The following RAP1GAP2 variants were observed in gnomAD, a reference collection of about 807,000 sequenced individuals.
The protein encoded by RAP1GAP2 is rap1 GTPase-activating protein 2.
In RAP1GAP2, 27 loss-of-function variants were observed where a neutral mutation model predicts 95.0. The observed-to-expected ratio is 0.28, with a 90% confidence interval of 0.21 to 0.39. The LOEUF (loss-of-function observed/expected upper bound fraction) is 0.39, where lower values mean the gene tolerates loss of function less well. RAP1GAP2 is among the 10% of genes least tolerant of loss of function. The pLI is 1.00. For synonymous variants in RAP1GAP2, 373 were observed against 380.9 expected (o/e 0.98, Z 0.24); for missense variants, 771 against 970.0 (o/e 0.79, Z 2.72).
chr17:2,845,801 T>C (rs1467708549), intron 2 of RAP1GAP2, among the ~76,000 whole-genome samples: 1 of 151,952 alleles, frequency 6.6e-6, no homozygotes, highest in Non-Finnish European at 1.5e-5. Context: ...GCGAAGGTTT[T>C]GGTGAGCCGA....
intron 22 of RAP1GAP2, among the ~76,000 whole-genome samples, chr17:3,028,360 G>C (rs946384365): frequency 6.6e-6 from 1 of 152,074 alleles, no homozygotes; most frequent in Admixed American, 6.5e-5. Flanking sequence ...TTTTGGAGGG[G>C]TGCTACTGGC....
intron 2 of RAP1GAP2, among the ~76,000 whole-genome samples, chr17:2,834,921 T>A (rs2071063680): frequency 6.6e-6 from 1 of 151,990 alleles, no homozygotes; most frequent in Non-Finnish European, 1.5e-5. Context: ...ATTAATTAAT[T>A]ATTATTATTA....
chr17:2,788,724 G>C (rs2068850226), intron 1 of RAP1GAP2, among the ~76,000 whole-genome samples: 1 of 152,220 alleles, frequency 6.6e-6, no homozygotes, highest in Admixed American at 6.5e-5. Context: ...AGAACGAGGA[G>C]CGTTGATAGC....
intron 2 of RAP1GAP2, among the ~76,000 whole-genome samples, chr17:2,800,843 CTTTCTTT>C (rs2069258908): frequency 2.6e-5 from 1 of 39,180 alleles, no homozygotes; most frequent in East Asian, 6.4e-4. Context: ...CTTTTTCTTT[CTTTCTTT>C]CTTTCTTTTT....
At chr17:2,873,134 C>G (rs886862491) in intron 2 of RAP1GAP2, among the ~76,000 whole-genome samples, 4 of 148,454 alleles carry the variant, frequency 2.7e-5, no homozygotes, top group Non-Finnish European at 6.0e-5. Context: ...AGTACTTCAT[C>G]TTTGTGTTGT....
intron 2 of RAP1GAP2, among the ~76,000 whole-genome samples, chr17:2,874,657 GA>G (rs2073009544): frequency 6.6e-6 from 1 of 152,198 alleles, no homozygotes; most frequent in African/African-American, 2.4e-5. Context: ...GATTCTGGAG[GA>G]AATGAGACGG....
chr17:2,784,222 C>T, intron 1 of RAP1GAP2, among the ~76,000 whole-genome samples: 1 of 152,088 alleles, frequency 6.6e-6, no homozygotes, highest in East Asian at 1.9e-4. Context: ...ATCTGTCCTC[C>T]TCGGCCTCCC....
At chr17:2,920,009 TC>T (rs1410614785) in intron 3 of RAP1GAP2, among the ~76,000 whole-genome samples, 12,529 of 135,330 alleles carry the variant, frequency 0.093, 814 homozygotes, top group East Asian at 0.29. Context: ...CCTCCTTTTT[TC>T]TTTTTTTTTT....
rs1009606735 is a variant in RAP1GAP2 at position 2,855,788 on chromosome 17, A to T, written c.81-49496A>T. Among the ~76,000 whole-genome samples, 2 of 151,974 alleles carry T rather than the reference A, an allele frequency of 1.3e-5. No homozygotes were observed. Among genetic ancestry groups the T allele is most frequent in the African/African-American group, 4.8e-5 (2 of 41,382 alleles). On this transcript the variant is annotated intron_variant, in intron 2 of 24. Transcript: ENST00000254695. The surrounding 1 kb of genome is among the most constrained non-coding windows in gnomAD (Gnocchi z 4.3). ...CCACCACGCCCAGCTAATTTTTTGT[A>T]TTTTAGTAGAGACGGGGGTTTCACC...
rs1212020507 is a variant in RAP1GAP2 at position 2,827,601 on chromosome 17, G to C, written c.80+27051G>C. ...GGCGGGTGGATCACCTGAGGTCAGG[G>C]GTTCAAGACCAGCCTGGATAACATG... On this transcript the variant is annotated intron_variant, in intron 2 of 24. Transcript: ENST00000254695. This position sits in a 1 kb window ranked among gnomAD's most constrained non-coding sequence, Gnocchi z 4.1. Among the ~76,000 whole-genome samples the C allele has an allele frequency of 1.3e-5, 2 of 150,980 alleles. No homozygotes were observed. The highest frequency in any genetic ancestry group is 4.9e-5 in the African/African-American group (2 of 40,938).
At chr17:2,823,237 A>G (rs1272868693) in intron 2 of RAP1GAP2, among the ~76,000 whole-genome samples, 3 of 152,062 alleles carry the variant, frequency 2.0e-5, no homozygotes, top group East Asian at 1.9e-4. Context: ...CAGGGAGTCA[A>G]TGGGCCCCCA....
upstream of RAP1GAP2, among the ~76,000 whole-genome samples, chr17:2,791,498 G>T (rs556370120): frequency 6.6e-6 from 1 of 152,322 alleles, no homozygotes; most frequent in Non-Finnish European, 1.5e-5. Flanking sequence ...CTGTAACATG[G>T]GCACTGATGC....
intron 1 of RAP1GAP2, among the ~76,000 whole-genome samples, chr17:2,758,059 C>T (rs1478972275): frequency 8.8e-5 from 13 of 147,464 alleles, no homozygotes; most frequent in Middle Eastern, 3.8e-3. Flanking sequence ...TTAGTAGAGA[C>T]GGGGTTTCAC....
At chr17:2,947,034 C>T (rs903003354) in intron 3 of RAP1GAP2, among the ~76,000 whole-genome samples, 4 of 152,150 alleles carry the variant, frequency 2.6e-5, no homozygotes, top group African/African-American at 4.8e-5. Flanking sequence ...GGATTACAGG[C>T]GTGAGCCACC....
intron 14 of RAP1GAP2, among the ~76,000 whole-genome samples, chr17:3,002,803 C>T (rs189393379): frequency 7.6e-4 from 115 of 152,266 alleles, no homozygotes; most frequent in African/African-American, 2.6e-3. Context: ...CCTCTCTGGG[C>T]CTCTAGTTTT....
intron 8 of RAP1GAP2, among the ~76,000 whole-genome samples, chr17:2,975,090 C>T (rs938251730): frequency 6.6e-5 from 10 of 151,970 alleles, no homozygotes; most frequent in African/African-American, 2.2e-4. Context: ...ATTAGCTGGG[C>T]GTAGTGGCAT....
chr17:3,020,514 G>C lies in RAP1GAP2; in HGVS notation c.1670G>C (p.Arg557Pro), dbSNP rs1175499235. 6.2e-7 allele frequency: 1 copy of C among 1,613,886 alleles called. No individual in the cohort carries two copies. The change falls in exon 19 of 25, where the codon CGG becomes CCG. Residue 557 changes from arginine to proline, a missense_variant. Transcript: ENST00000254695. ...GCGGCAACGGTGAAGAACCAGTCAC[G>C]GAGTCCCATCAAGCGACGCTCGGGG... ...VVAATVKNQS[R>P]SPIKRRSGLF...
chr17:2,795,709 T>G (rs144374171), upstream of RAP1GAP2, among the ~76,000 whole-genome samples: 59 of 152,306 alleles, frequency 3.9e-4, no homozygotes, highest in African/African-American at 1.4e-3. Flanking sequence ...CACATGTGTA[T>G]GCGTTCATGT....
At chr17:2,818,458 G>A (rs1360423821) in intron 2 of RAP1GAP2, among the ~76,000 whole-genome samples, 2 of 151,878 alleles carry the variant, frequency 1.3e-5, no homozygotes, top group Non-Finnish European at 2.9e-5. Flanking sequence ...CAAGTAGCTG[G>A]GATTACAAGT....
Sources: allele counts gnomAD v4.1 joint callset (sites outside exome capture counted in the v4.1 genomes callset), GRCh38; gene constraint gnomAD v4.1.1; non-coding constraint Gnocchi (gnomAD v3.1); transcripts MANE v1.5; gene names NCBI Gene and HGNC (gene_info 2026-07-23, HGNC 2026-07-21).